Variants in WDR7 observed in about 807,000 individuals in gnomAD.
The protein encoded by WDR7 is WD repeat domain 7, also known as WD repeat-containing protein 7.
A neutral mutation model predicts 169.4 loss-of-function variants in WDR7; 46 were observed. The ratio of observed to expected loss-of-function variants is 0.27; its 90% CI spans 0.21 to 0.35. The LOEUF (loss-of-function observed/expected upper bound fraction) is 0.35, where lower values mean the gene tolerates loss of function less well. WDR7 is among the 10% of genes least tolerant of loss of function. WDR7 has a pLI of 1.00. For missense variants in WDR7, 1,534 were observed against 1,859.3 expected (o/e 0.83, Z 3.22); for synonymous variants, 612 against 666.8 (o/e 0.92, Z 1.27).
chr18:56,759,838 A>G (rs2043955312), intron 16 of WDR7, among the ~76,000 whole-genome samples: 3 of 152,156 alleles, frequency 2.0e-5, no homozygotes, highest in Non-Finnish European at 2.9e-5. Flanking sequence ...TTATATCTGT[A>G]GTTTTCCTCT....
chr18:57,024,761 AG>A (rs68178796), intron 27 of WDR7, among the ~76,000 whole-genome samples: 1,528 of 62,358 alleles, frequency 0.025, 133 homozygotes, highest in African/African-American at 0.06. Flanking sequence ...GGGATATGTG[AG>A]CTATGATAGT....
At chr18:56,952,755 C>G (rs1197293457) in intron 25 of WDR7, among the ~76,000 whole-genome samples, 2 of 152,088 alleles carry the variant, frequency 1.3e-5, no homozygotes, top group Admixed American at 6.6e-5. Context: ...TTTTTCAGCA[C>G]TATTAAAAAA....
At chr18:56,675,641 A>C (rs1046177947) in intron 2 of WDR7, among the ~76,000 whole-genome samples, 5 of 151,290 alleles carry the variant, frequency 3.3e-5, no homozygotes, top group African/African-American at 1.2e-4. Context: ...AGATAATGTC[A>C]CTCTCCAATA....
At chr18:56,687,967 T>C (rs599297) in intron 7 of WDR7, among the ~76,000 whole-genome samples, 139,486 of 152,184 alleles carry the variant, frequency 0.92, 65,139 homozygotes, top group East Asian at 1. Flanking sequence ...ATGCAACCTA[T>C]ACTCAGGGGA....
chr18:56,685,847 T>C (rs2025432555), intron 5 of WDR7, 109 bp from the exon 6 acceptor site: 1 of 852,276 alleles, frequency 1.2e-6, no homozygotes, highest in African/African-American at 1.8e-5. Context: ...TTTCTGCTAA[T>C]TGTAAAACAT....
At chr18:56,895,492 T>C (rs2046320896) in intron 21 of WDR7, among the ~76,000 whole-genome samples, 1 of 151,772 alleles carries the variant, frequency 6.6e-6, no homozygotes, top group Admixed American at 6.6e-5. Flanking sequence ...TTAAAAATTT[T>C]TTTTACAGTG....
At chr18:56,866,423 T>C (rs890051967) in intron 20 of WDR7, among the ~76,000 whole-genome samples, 1 of 152,086 alleles carries the variant, frequency 6.6e-6, no homozygotes, top group Non-Finnish European at 1.5e-5. Flanking sequence ...TTAGGAGGTA[T>C]ATGAATCACC....
chr18:56,813,117 A>G (rs2044901752), intron 19 of WDR7, among the ~76,000 whole-genome samples: 1 of 151,650 alleles, frequency 6.6e-6, no homozygotes, highest in African/African-American at 2.4e-5. Flanking sequence ...CCAGCATGGC[A>G]CATGTATACA....
chr18:56,704,343 C>A (rs2025900705), intron 12 of WDR7, among the ~76,000 whole-genome samples: 1 of 151,168 alleles, frequency 6.6e-6, no homozygotes, highest in Non-Finnish European at 1.5e-5. Context: ...TCAAGACCAG[C>A]CTGGGCAACA....
At chr18:57,009,767 T>C in intron 26 of WDR7, 1 of 811,180 alleles carries the variant, frequency 1.2e-6, no homozygotes, top group African/African-American at 1.9e-5. Flanking sequence ...TTAAATACTT[T>C]TGAAACATAA....
chr18:57,021,561 A>C (rs2048292516), intron 27 of WDR7, among the ~76,000 whole-genome samples: 1 of 152,236 alleles, frequency 6.6e-6, no homozygotes, highest in Non-Finnish European at 1.5e-5. Flanking sequence ...TTTGGTAAGC[A>C]GTTCATGAGA....
chr18:57,014,560 GGCA>G (rs1346772508), intron 26 of WDR7, among the ~76,000 whole-genome samples: 2 of 152,094 alleles, frequency 1.3e-5, no homozygotes, highest in Non-Finnish European at 2.9e-5. Flanking sequence ...AGGAGGCTGA[GGCA>G]GGAGAATCAC....
chr18:56,739,767 G>A (rs190195860), intron 14 of WDR7, among the ~76,000 whole-genome samples: 159 of 151,640 alleles, frequency 1.0e-3, no homozygotes, highest in African/African-American at 3.8e-3. Context: ...TTGGGGGGGG[G>A]AATAAGCTAT....
chr18:56,979,098 CA>C (rs983003497), intron 26 of WDR7, among the ~76,000 whole-genome samples: 4 of 151,958 alleles, frequency 2.6e-5, no homozygotes, highest in African/African-American at 4.8e-5. Flanking sequence ...GAAAGGTTTA[CA>C]GGGGGAAAAC....
At chr18:56,778,405 A>G (rs2044270263) in intron 17 of WDR7, among the ~76,000 whole-genome samples, 1 of 152,006 alleles carries the variant, frequency 6.6e-6, no homozygotes, top group Admixed American at 6.6e-5. Flanking sequence ...TTTTGCACCC[A>G]TCTTTGATTA....
chr18:56,654,167 C>G lies in WDR7; in HGVS notation c.-20+2591C>G, dbSNP rs533372611. Reference sequence around the variant, plus strand: ...TTTTTTTTTCTGAGATGGAGTCTCACTCTTGCCAGGGTGGAGTGCAGTAGT... The same window carrying G: ...TTTTTTTTTCTGAGATGGAGTCTCAGTCTTGCCAGGGTGGAGTGCAGTAGT... On this transcript the variant is annotated intron_variant, in intron 1 of 27. Transcript: ENST00000254442. Among the ~76,000 whole-genome samples the G allele has an allele frequency of 2.0e-5, 3 of 152,174 alleles. No individual in the cohort carries two copies. The South Asian group carries it at 6.2e-4, about 32-fold the overall frequency.
At chr18:56,710,886 C>T (rs1441637351) in intron 12 of WDR7, among the ~76,000 whole-genome samples, 1 of 152,156 alleles carries the variant, frequency 6.6e-6, no homozygotes, top group Non-Finnish European at 1.5e-5. Flanking sequence ...TATCAACCCC[C>T]AAAATGTTAA....
At chr18:56,791,163 T>C (rs1212092052) in intron 19 of WDR7, among the ~76,000 whole-genome samples, 2 of 152,174 alleles carry the variant, frequency 1.3e-5, no homozygotes, top group Non-Finnish European at 2.9e-5. Context: ...GTGTATAATC[T>C]TAATGAAAAG....
chr18:56,867,656 A>G (rs1187332091), intron 20 of WDR7, among the ~76,000 whole-genome samples: 1 of 152,224 alleles, frequency 6.6e-6, no homozygotes, highest in Non-Finnish European at 1.5e-5. Flanking sequence ...ATCTGACTAC[A>G]TACATATCTA....
Sources: allele counts gnomAD v4.1 joint callset (sites outside exome capture counted in the v4.1 genomes callset), GRCh38; gene constraint gnomAD v4.1.1; transcripts MANE v1.5; gene names NCBI Gene and HGNC (gene_info 2026-07-23, HGNC 2026-07-21).